Variants in NEDD4L observed in about 807,000 individuals in gnomAD.
The protein encoded by NEDD4L is NEDD4 like E3 ubiquitin protein ligase.
Under a neutral mutation model 148.9 loss-of-function variants are expected in NEDD4L, and 54 were observed. That is an observed-to-expected ratio of 0.36 (90% confidence interval 0.29 to 0.45). The LOEUF is 0.45. NEDD4L is among the 20% of genes least tolerant of loss of function. The pLI is 1.00. For synonymous variants in NEDD4L, 433 were observed against 440.7 expected (o/e 0.98, Z 0.22); for missense variants, 856 against 1,233.8 (o/e 0.69, Z 4.59).
intron 6 of NEDD4L, 89 bp downstream of exon 6, chr18:58,316,121 T>C: frequency 1.9e-6 from 2 of 1,080,950 alleles, no homozygotes; most frequent in Non-Finnish European, 2.8e-6. Flanking sequence ...TGGCATTTCT[T>C]CACCACGGTG....
intron 1 of NEDD4L, among the ~76,000 whole-genome samples, chr18:58,139,628 G>T (rs573771061): frequency 1.3e-5 from 2 of 152,218 alleles, no homozygotes; most frequent in African/African-American, 4.8e-5. Flanking sequence ...GAAGAAGGGT[G>T]GAGGATGTCT....
chr18:58,329,194 T>C, intron 10 of NEDD4L, 67 bp downstream of exon 10: 1 of 1,523,364 alleles, frequency 6.6e-7, no homozygotes, highest in Non-Finnish European at 9.0e-7. Flanking sequence ...AGCTTGATTT[T>C]ATATCATAAT....
Position 58,281,037 on chromosome 18 carries a change from A to G in NEDD4L, c.297+28983A>G, listed in dbSNP as rs552753107. On this transcript the variant is annotated intron_variant, in intron 5 of 30. Coordinates refer to ENST00000400345, the MANE Select transcript of NEDD4L (RefSeq NM_001144967.3). ...GTTGCCCAGGCTGGAGTGCAGTGGC[A>G]TGCAATCATGGCTCACTGCAGCCTT... is the stretch of plus-strand genomic sequence containing the variant. Among the ~76,000 whole-genome samples the G allele has an allele frequency of 3.6e-4, 54 of 152,092 alleles. 1 individual carries two copies. In the South Asian group the frequency reaches 0.011, roughly 30 times the overall value.
intron 6 of NEDD4L, among the ~76,000 whole-genome samples, chr18:58,317,099 C>T (rs2058356489): frequency 6.6e-6 from 1 of 152,254 alleles, no homozygotes; most frequent in African/African-American, 2.4e-5. Flanking sequence ...CTCTTACTCA[C>T]TCAGGGGAGC....
intron 16 of NEDD4L, among the ~76,000 whole-genome samples, chr18:58,347,429 C>G (rs1376898135): frequency 6.6e-6 from 1 of 152,082 alleles, no homozygotes; most frequent in African/African-American, 2.4e-5. Context: ...TGTGGCGTTA[C>G]CTGGTCCGGA....
chr18:58,161,316 C>A (rs900561107), intron 1 of NEDD4L, among the ~76,000 whole-genome samples: 2 of 152,174 alleles, frequency 1.3e-5, no homozygotes, highest in Admixed American at 1.3e-4. Context: ...CAGGCATGAG[C>A]CACCGTACCC....
At position 58,252,068 on chromosome 18, in the gene NEDD4L, T is replaced by G. The variant is rs779486960; in HGVS notation, c.297+14T>G. ...GAAAATAGACTGGTAAGTGGATGCC[T>G]GTATTTGAATTTTGCTTCATTTTTT... On this transcript the variant is annotated intron_variant, in intron 5 of 30. Transcript: ENST00000400345. The G allele has an allele frequency of 2.6e-6, 4 of 1,559,280 alleles. No homozygotes were observed. The highest frequency in any genetic ancestry group is 3.5e-6 in the Non-Finnish European group (4 of 1,130,416).
At chr18:58,144,365 G>A (rs138570881) in intron 1 of NEDD4L, among the ~76,000 whole-genome samples, 1 of 152,092 alleles carries the variant, frequency 6.6e-6, no homozygotes, top group East Asian at 1.9e-4. Context: ...GGAGCAAGGG[G>A]TTGGGTCACA....
chr18:58,248,823 T>C (rs954444343), intron 3 of NEDD4L, 76 bp from the exon 4 acceptor site: 2 of 750,170 alleles, frequency 2.7e-6, no homozygotes, highest in African/African-American at 3.6e-5. Flanking sequence ...TTTAAGCAAA[T>C]ATGTAGACTG....
chr18:58,305,997 G>A (rs2057012875), intron 5 of NEDD4L, among the ~76,000 whole-genome samples: 2 of 152,158 alleles, frequency 1.3e-5, no homozygotes, highest in African/African-American at 2.4e-5. Flanking sequence ...TTTATACCCA[G>A]CAAAGTGGAC....
intron 1 of NEDD4L, among the ~76,000 whole-genome samples, chr18:58,096,687 C>T (rs568310808): frequency 3.4e-4 from 52 of 152,242 alleles, no homozygotes; most frequent in African/African-American, 1.2e-3. Context: ...TGAGCCACCC[C>T]ACCTGGCCTT....
intron 13 of NEDD4L, among the ~76,000 whole-genome samples, chr18:58,340,786 G>A (rs929239152): frequency 3.3e-5 from 5 of 152,168 alleles, no homozygotes; most frequent in Non-Finnish European, 1.5e-5. Flanking sequence ...CTTTACGTTT[G>A]AGACTACGGG....
chr18:58,342,092 C>G (rs1278911387), intron 15 of NEDD4L, among the ~76,000 whole-genome samples: 1 of 152,224 alleles, frequency 6.6e-6, no homozygotes, highest in African/African-American at 2.4e-5. Flanking sequence ...TGTTTCGCTT[C>G]TTTTTGCCTG....
At chr18:58,342,000 T>A (rs371934229) in intron 15 of NEDD4L, among the ~76,000 whole-genome samples, 5 of 152,220 alleles carry the variant, frequency 3.3e-5, no homozygotes, top group Admixed American at 6.5e-5. Flanking sequence ...CTCACCTGAT[T>A]CTCATTCTCA....
At chr18:58,391,139 T>C (rs1360894706) in intron 29 of NEDD4L, among the ~76,000 whole-genome samples, 1 of 152,224 alleles carries the variant, frequency 6.6e-6, no homozygotes, top group Non-Finnish European at 1.5e-5. Context: ...GTACTTTGCA[T>C]ACTGAAAGTC....
chr18:58,343,821 A>G (rs528413873), intron 16 of NEDD4L, among the ~76,000 whole-genome samples: 1 of 152,344 alleles, frequency 6.6e-6, no homozygotes, highest in Admixed American at 6.5e-5. Flanking sequence ...CTTTAGCCGA[A>G]TCGGTGGCTT....
In NEDD4L at chr18:58,333,887, C is replaced by T; in HGVS notation, c.1060C>T (p.Pro354Ser). The change falls in exon 12 of 31, where the codon CCA (proline) becomes TCA (serine). Residue 354 changes from proline (P) to serine (S), a missense_variant. Around this residue, in one of 4 missense-constraint regions of NEDD4L, gnomAD observed 367 missense variants for 422.7 expected, o/e 0.87. Coordinates refer to ENST00000400345, the MANE Select transcript of NEDD4L (RefSeq NM_001144967.3). The stretch of plus-strand genomic sequence containing the variant: ...CGCAGTTGCAGAACAGGGCCATCTA[C>T]CACCGGTAACCCATGCTAATTTCCA... ...TDAVAEQGHLPPPSAPAGRAR... is the reference protein window; with the variant it reads ...TDAVAEQGHLSPPSAPAGRAR... The T allele has an allele frequency of 6.2e-7, 1 of 1,608,272 alleles. No individual in the cohort carries two copies. The highest frequency in any genetic ancestry group is 1.1e-5 in the South Asian group (1 of 89,846).
At chr18:58,075,768 A>G (rs559971586) in intron 1 of NEDD4L, among the ~76,000 whole-genome samples, 1 of 150,724 alleles carries the variant, frequency 6.6e-6, no homozygotes, top group South Asian at 2.1e-4. Context: ...TCCCTACAAA[A>G]TTTTTTTTTT....
At chr18:58,083,877 T>G (rs2083601336) in intron 1 of NEDD4L, among the ~76,000 whole-genome samples, 1 of 152,166 alleles carries the variant, frequency 6.6e-6, no homozygotes, top group African/African-American at 2.4e-5. Flanking sequence ...ACTACAGGCA[T>G]GTTCCACCAT....
Sources: gnomAD v4.1 joint callset for allele counts (sites outside exome capture counted in the v4.1 genomes callset) on GRCh38, gnomAD v4.1.1 for gene constraint, gnomAD v4.1.1 regional missense constraint, MANE v1.5 for transcripts, NCBI Gene and HGNC (gene_info 2026-07-23, HGNC 2026-07-21) for gene names.